The following GRIK4 variants were observed in gnomAD, a reference collection of about 807,000 sequenced individuals.
GRIK4 encodes glutamate receptor ionotropic, kainate 4.
Under a neutral mutation model 104.9 loss-of-function variants are expected in GRIK4, and 40 were observed. The observed-to-expected ratio is 0.38, with a 90% CI of 0.30 to 0.50. The LOEUF (loss-of-function observed/expected upper bound fraction) is 0.50. Among genes scored for constraint, GRIK4 ranks in the 20% least tolerant of loss-of-function variants. The pLI, the probability that GRIK4 is intolerant of heterozygous loss-of-function variation, is 0.93. For missense variants in GRIK4, 1,047 were observed against 1,308.1 expected (o/e 0.80, Z 3.08); for synonymous variants, 485 against 524.9 (o/e 0.92, Z 1.04).
At chr11:120,749,721 G>T (rs918893311) in intron 3 of GRIK4, among the ~76,000 whole-genome samples, 9 of 152,270 alleles carry the variant, frequency 5.9e-5, no homozygotes, top group Admixed American at 5.2e-4. Context: ...TCTTTTGAAG[G>T]CCAGTTGTAG....
chr11:120,714,602 C>T (rs117839774), intron 3 of GRIK4, among the ~76,000 whole-genome samples: 2,136 of 152,294 alleles, frequency 0.014, 23 homozygotes, highest in Non-Finnish European at 0.024. Context: ...TGAAGTACTA[C>T]AGCGTCCCAT....
At chr11:120,735,400 T>C (rs2135398647) in intron 3 of GRIK4, among the ~76,000 whole-genome samples, 1 of 152,272 alleles carries the variant, frequency 6.6e-6, no homozygotes, top group South Asian at 2.1e-4. Context: ...GGCATATTTC[T>C]CTCTCTGTGC....
At chr11:120,710,225 A>G (rs576953176) in intron 3 of GRIK4, among the ~76,000 whole-genome samples, 1 of 152,286 alleles carries the variant, frequency 6.6e-6, no homozygotes, top group Admixed American at 6.5e-5. Context: ...ACTTATCTGT[A>G]CAGTAAGGAG....
At chr11:120,621,947 C>T (rs536727200) in intron 1 of GRIK4, among the ~76,000 whole-genome samples, 1 of 152,194 alleles carries the variant, frequency 6.6e-6, no homozygotes, top group South Asian at 2.1e-4. Context: ...GTCGCCCAAG[C>T]TGGAGTCCGG....
intron 3 of GRIK4, among the ~76,000 whole-genome samples, chr11:120,742,777 G>T (rs1951359533): frequency 1.3e-5 from 2 of 152,138 alleles, no homozygotes; most frequent in Admixed American, 6.5e-5. Context: ...TATACCCAGA[G>T]AAATAGAAAT....
chr11:120,615,315 A>G (rs1385758262), intron 1 of GRIK4, among the ~76,000 whole-genome samples: 1 of 152,190 alleles, frequency 6.6e-6, no homozygotes, highest in Non-Finnish European at 1.5e-5. Context: ...GCACTTCACA[A>G]AGCATTGAGC....
intron 3 of GRIK4, among the ~76,000 whole-genome samples, chr11:120,786,413 G>T (rs553775782): frequency 3.9e-5 from 6 of 152,252 alleles, no homozygotes; most frequent in Non-Finnish European, 5.9e-5. Flanking sequence ...TTTCTGCTGG[G>T]GCTAACCCAT....
At chr11:120,582,707 C>T (rs375257264) in intron 1 of GRIK4, among the ~76,000 whole-genome samples, 2,261 of 152,216 alleles carry the variant, frequency 0.015, 60 homozygotes, top group African/African-American at 0.051. Flanking sequence ...TTTATGGCTG[C>T]GTAGTATTCC....
chr11:120,931,063 A>C (rs569243958), intron 13 of GRIK4, among the ~76,000 whole-genome samples: 42 of 152,312 alleles, frequency 2.8e-4, no homozygotes, highest in African/African-American at 9.6e-4. Flanking sequence ...ACATCTCTGA[A>C]TTGGCAATTA....
chr11:120,697,764 G>C (rs1950477184), intron 3 of GRIK4, among the ~76,000 whole-genome samples: 2 of 152,318 alleles, frequency 1.3e-5, no homozygotes, highest in Admixed American at 1.3e-4. Context: ...CATACTCCTA[G>C]GGCGTGATTT....
chr11:120,534,434 G>C lies in GRIK4; in HGVS notation c.-159+22547G>C, dbSNP rs60165298. Among the ~76,000 whole-genome samples the C allele has an allele frequency of 7.2e-5, 11 of 152,170 alleles. No homozygotes were observed. In the East Asian group the frequency reaches 2.1e-3, roughly 29 times the overall value. Reference sequence around the variant, plus strand: ...AATTAGGGCAAGTAGGGGGCACAGGGGCTTTAATGAGCTCCCCTCGAAAGA... The same window carrying C: ...AATTAGGGCAAGTAGGGGGCACAGGCGCTTTAATGAGCTCCCCTCGAAAGA... On this transcript the variant is annotated intron_variant, in intron 1 of 20. Transcript: ENST00000527524.
At chr11:120,595,844 T>C (rs1427237274) in intron 1 of GRIK4, among the ~76,000 whole-genome samples, 1 of 152,122 alleles carries the variant, frequency 6.6e-6, no homozygotes. Context: ...ATTGCTTTTG[T>C]ATTTATTATT....
intron 3 of GRIK4, among the ~76,000 whole-genome samples, chr11:120,745,701 A>G (rs1403231317): frequency 6.6e-6 from 1 of 152,210 alleles, no homozygotes; most frequent in Non-Finnish European, 1.5e-5. Flanking sequence ...ATGGATTCTC[A>G]TTATGTCAGA....
At chr11:120,717,363 C>T (rs1167338172) in intron 3 of GRIK4, among the ~76,000 whole-genome samples, 1 of 152,128 alleles carries the variant, frequency 6.6e-6, no homozygotes, top group East Asian at 1.9e-4. Context: ...GATGTTACTG[C>T]CCCCTGGGGC....
chr11:120,575,327 C>T (rs902702248), intron 1 of GRIK4, among the ~76,000 whole-genome samples: 1 of 152,190 alleles, frequency 6.6e-6, no homozygotes, highest in Non-Finnish European at 1.5e-5. Flanking sequence ...CCTCCCCTTT[C>T]CCTGCCCAGC....
chr11:120,529,806 G>T (rs1444551397), intron 1 of GRIK4, among the ~76,000 whole-genome samples: 1 of 152,172 alleles, frequency 6.6e-6, no homozygotes, highest in Non-Finnish European at 1.5e-5. Context: ...TCCAACAAAG[G>T]TGCTTTCACA....
intron 18 of GRIK4, 137 bp downstream of exon 18, chr11:120,962,818 C>A: frequency 5.9e-5 from 27 of 455,794 alleles, no homozygotes; most frequent in Non-Finnish European, 9.9e-5. Flanking sequence ...CGTGGGCATT[C>A]TAAAGTTTTT....
chr11:120,594,966 C>G (rs1948783100), intron 1 of GRIK4, among the ~76,000 whole-genome samples: 1 of 152,216 alleles, frequency 6.6e-6, no homozygotes, highest in Non-Finnish European at 1.5e-5. Context: ...GAGGGAGACA[C>G]TGTCCACATA....
At chr11:120,900,966 G>T (rs146598617) in intron 12 of GRIK4, among the ~76,000 whole-genome samples, 1 of 152,076 alleles carries the variant, frequency 6.6e-6, no homozygotes, top group Non-Finnish European at 1.5e-5. Flanking sequence ...CCTCCTTCCC[G>T]CTGTCTTCTT....
Sources: gnomAD v4.1 joint callset for allele counts (sites outside exome capture counted in the v4.1 genomes callset) on GRCh38, gnomAD v4.1.1 for gene constraint, MANE v1.5 for transcripts, NCBI Gene and HGNC (gene_info 2026-07-23, HGNC 2026-07-21) for gene names.